Variants in ADAM29 observed in about 807,000 individuals in gnomAD.
The protein encoded by ADAM29 is ADAM metallopeptidase domain 29.
For synonymous variants in ADAM29, 367 were observed against 342.3 expected, an observed-to-expected ratio of 1.07 and a Z score of -0.80; for missense variants, 969 against 1,001.8, an observed-to-expected ratio of 0.97 and a Z score of 0.44.
At chr4:174,944,626 C>T (rs1246903847) in intron 4 of ADAM29, among the ~76,000 whole-genome samples, 1 of 152,124 alleles carries the variant, frequency 6.6e-6, no homozygotes, top group Non-Finnish European at 1.5e-5. Flanking sequence ...TATTTTGTCA[C>T]CCAGGTAGTA....
At chr4:174,957,766 A>G (rs1560881983) in intron 4 of ADAM29, among the ~76,000 whole-genome samples, 3 of 151,794 alleles carry the variant, frequency 2.0e-5, no homozygotes, top group African/African-American at 7.2e-5. Context: ...ATTAATATGA[A>G]TCTATCTTTC....
chr4:174,918,599 C>G (rs977285071), intron 1 of ADAM29, 128 bp downstream of exon 1: 1 of 152,116 alleles, frequency 6.6e-6, no homozygotes, highest in Non-Finnish European at 1.5e-5. Flanking sequence ...CTATCAGTTT[C>G]AGACTAAACC....
chr4:174,976,670 C>A lies in ADAM29; in HGVS notation c.1145C>A (p.Thr382Lys). The A allele has an allele frequency of 6.2e-7, 1 of 1,613,914 alleles. No individual in the cohort carries two copies. Among genetic ancestry groups the A allele is most frequent in the Non-Finnish European group, 8.5e-7 (1 of 1,179,930 alleles). The change falls in exon 5 of 5, where the codon ACA becomes AAA. Residue 382 changes from threonine to lysine, a missense_variant. Coordinates refer to ENST00000359240, the MANE Select transcript of ADAM29 (RefSeq NM_014269.4). Reference sequence around the variant, plus strand: ...TTTTGGGAATATACTGTAGAGAGGACAAAGTGTTTGCTTGAAACAGTACAC... The same window carrying A: ...TTTTGGGAATATACTGTAGAGAGGAAAAAGTGTTTGCTTGAAACAGTACAC... The part of the protein sequence containing the change: ...GDFWEYTVER[T>K]KCLLETVHTK...
intron 2 of ADAM29, among the ~76,000 whole-genome samples, chr4:174,927,671 C>T (rs1268789103): frequency 6.6e-6 from 1 of 152,098 alleles, no homozygotes; most frequent in Non-Finnish European, 1.5e-5. Context: ...GGTGAACTCA[C>T]TTATTGGTTC....
chr4:174,935,507 A>G (rs1744153019), intron 3 of ADAM29, among the ~76,000 whole-genome samples: 1 of 152,058 alleles, frequency 6.6e-6, no homozygotes, highest in African/African-American at 2.4e-5. Context: ...AACGTCTAGT[A>G]AGATTTTTTT....
intron 4 of ADAM29, among the ~76,000 whole-genome samples, chr4:174,944,185 T>A (rs897440360): frequency 2.6e-5 from 4 of 151,968 alleles, no homozygotes; most frequent in Admixed American, 1.3e-4. Flanking sequence ...AATCATGAGA[T>A]ACAGCTAAAG....
chr4:174,943,190 C>T (rs1039347516), intron 4 of ADAM29, among the ~76,000 whole-genome samples: 1 of 152,174 alleles, frequency 6.6e-6, no homozygotes, highest in African/African-American at 2.4e-5. Flanking sequence ...ACGCATTCAG[C>T]AAGTATTTTG....
chr4:174,964,006 A>G (rs1746011737), intron 4 of ADAM29, among the ~76,000 whole-genome samples: 1 of 151,710 alleles, frequency 6.6e-6, no homozygotes, highest in Admixed American at 6.5e-5. Flanking sequence ...GATCTTATTT[A>G]TACTTCCTCT....
chr4:174,978,061 C>T lies in ADAM29; in HGVS notation c.*73C>T, dbSNP rs1747020177. On this transcript the variant is annotated 3_prime_UTR_variant, in exon 5 of 5. Transcript: ENST00000359240. The stretch of plus-strand genomic sequence containing the variant: ...CTCCCAGAGCCAACCTCGGGTGACA[C>T]CCTCCCAGAGTCAACCTCATGTGAC... 4 of 1,584,742 alleles carry T rather than the reference C, an allele frequency of 2.5e-6. No individual in the cohort carries two copies. In the South Asian group the frequency reaches 3.5e-5, roughly 14 times the overall value.
intron 2 of ADAM29, among the ~76,000 whole-genome samples, chr4:174,921,330 G>A (rs1206931511): frequency 6.6e-6 from 1 of 152,180 alleles, no homozygotes; most frequent in Non-Finnish European, 1.5e-5. Flanking sequence ...TCTTAAAAAG[G>A]CATGTGACAT....
intron 3 of ADAM29, among the ~76,000 whole-genome samples, chr4:174,934,148 A>G (rs552453802): frequency 9.9e-4 from 150 of 152,168 alleles, no homozygotes; most frequent in South Asian, 2.1e-3. Context: ...TGACTTTTTA[A>G]TAATAGCCAT....
At chr4:174,927,841 AT>A in intron 2 of ADAM29, among the ~76,000 whole-genome samples, 1 of 152,078 alleles carries the variant, frequency 6.6e-6, no homozygotes, top group South Asian at 2.1e-4. Flanking sequence ...TGGCCCCTCT[AT>A]GTTTACTGGG....
Position 174,978,155 on chromosome 4 carries a change from G to A in ADAM29, c.*167G>A, listed in dbSNP as rs1001796072. The stretch of plus-strand genomic sequence containing the variant: ...ATTCCAAAAACTGTATCCAGAAAAG[G>A]TACATTAAAAAAATAATTCCTAGTA... On this transcript the variant is annotated 3_prime_UTR_variant, in exon 5 of 5. Coordinates refer to ENST00000359240, the MANE Select transcript of ADAM29 (RefSeq NM_014269.4). 3.6e-5 allele frequency: 40 copies of A among 1,118,726 alleles called. No homozygotes were observed. Among genetic ancestry groups the A allele is most frequent in the African/African-American group, 1.1e-4 (7 of 63,882 alleles). The allele number at this position is 1,118,726 out of a possible 1,614,324, so 69.3% of individuals were successfully genotyped here.
Position 174,976,782 on chromosome 4 carries a change from T to C in ADAM29, c.1257T>C (p.Cys419=). 2 of 1,614,150 alleles carry C rather than the reference T, an allele frequency of 1.2e-6. No homozygotes were observed. The highest frequency in any genetic ancestry group is 1.1e-5 in the South Asian group (1 of 91,074). The change falls in exon 5 of 5, where the codon TGT becomes TGC. Residue 419 remains cysteine (C), a synonymous_variant. Transcript: ENST00000359240. ...GTGACTGTGGACCTTTAAAGCATTG[T>C]GCAAAAGATCCCTGCTGTCTGTCAA... ...EECDCGPLKH[C]AKDPCCLSNC...
chr4:174,952,786 T>C (rs191692439), intron 4 of ADAM29, among the ~76,000 whole-genome samples: 7 of 152,260 alleles, frequency 4.6e-5, no homozygotes, highest in Admixed American at 2.0e-4. Context: ...TGTCTGCAGA[T>C]GGAGTCAGGA....
At chr4:174,948,771 G>A (rs1403880223) in intron 4 of ADAM29, among the ~76,000 whole-genome samples, 1 of 152,278 alleles carries the variant, frequency 6.6e-6, no homozygotes, top group Non-Finnish European at 1.5e-5. Flanking sequence ...GGTGATGGGG[G>A]CACTGGCAGA....
intron 4 of ADAM29, among the ~76,000 whole-genome samples, chr4:174,961,384 G>T (rs1313602365): frequency 6.6e-6 from 1 of 151,592 alleles, no homozygotes; most frequent in East Asian, 1.9e-4. Flanking sequence ...TTTAGACAGT[G>T]AAACTTTATG....
rs886304454 is a variant in ADAM29 at position 174,923,535 on chromosome 4, A to G, written c.-451+2743A>G. Among the ~76,000 whole-genome samples the G allele has an allele frequency of 7.9e-4, 102 of 129,464 alleles. 2 individuals carry two copies. The highest frequency in any genetic ancestry group is 2.1e-3 in the African/African-American group (64 of 29,988). The allele number at this position is 129,464 out of a possible 152,430, so 84.9% of individuals were successfully genotyped here. ...TACTGTGCATTATATGTATATATATATATATATATATATATATATATATAT... is the reference window on the plus strand; with the variant it reads ...TACTGTGCATTATATGTATATATATGTATATATATATATATATATATATAT... On this transcript the variant is annotated intron_variant, in intron 2 of 4. Transcript: ENST00000359240.
chr4:174,930,219 C>T (rs553997410), intron 2 of ADAM29, among the ~76,000 whole-genome samples: 26 of 152,200 alleles, frequency 1.7e-4, no homozygotes, highest in South Asian at 1.0e-3. Flanking sequence ...CGTGAGCCAC[C>T]GCTCCCAGCC....
Sources: gnomAD v4.1 joint callset for allele counts (sites outside exome capture counted in the v4.1 genomes callset) on GRCh38, gnomAD v4.1.1 for gene constraint, MANE v1.5 for transcripts, NCBI Gene and HGNC (gene_info 2026-07-23, HGNC 2026-07-21) for gene names.